ETFA: variants seen among roughly 807,000 people sequenced by gnomAD.
ETFA encodes electron transfer flavoprotein subunit alpha, mitochondrial.
In ETFA, 22 loss-of-function variants were observed where a neutral mutation model predicts 46.2. That is an observed-to-expected ratio of 0.48 (90% confidence interval 0.34 to 0.68). The LOEUF is 0.68. ETFA is among the 30% of genes least tolerant of loss of function. ETFA has a pLI of 0.01. For synonymous variants in ETFA, 131 were observed against 139.9 expected, an observed-to-expected ratio of 0.94 and a Z score of 0.45; for missense variants, 345 against 401.1, an observed-to-expected ratio of 0.86 and a Z score of 1.19.
At chr15:76,235,211 T>C (rs371227009) in intron 9 of ETFA, among the ~76,000 whole-genome samples, 18 of 152,146 alleles carry the variant, frequency 1.2e-4, no homozygotes, top group African/African-American at 2.2e-4. Context: ...CCAAGACACA[T>C]TGATGTGTCA....
chr15:76,298,401 C>G (rs2039847845), intron 1 of ETFA, among the ~76,000 whole-genome samples: 1 of 152,150 alleles, frequency 6.6e-6, no homozygotes. Context: ...ATCTCAGGAG[C>G]CACCACATGG....
chr15:76,220,460 ACTTTTTCTCCCC>A (rs1301812706), intron 11 of ETFA, among the ~76,000 whole-genome samples: 2 of 152,224 alleles, frequency 1.3e-5, no homozygotes, highest in African/African-American at 2.4e-5. Flanking sequence ...TTATTTTAAA[ACTTTTTCTCCCC>A]CTTTTTCATA....
intron 9 of ETFA, among the ~76,000 whole-genome samples, chr15:76,267,716 T>C (rs1237070078): frequency 6.6e-6 from 1 of 152,244 alleles, no homozygotes; most frequent in Non-Finnish European, 1.5e-5. Flanking sequence ...CATTTAGCTT[T>C]ATTAACATTA....
At chr15:76,261,740 G>A (rs758003785) in intron 9 of ETFA, 97 of 234,104 alleles carry the variant, frequency 4.1e-4, no homozygotes, top group Non-Finnish European at 7.2e-4. Context: ...TGAGGAGGGA[G>A]GAGGGCTGAA....
intron 9 of ETFA, among the ~76,000 whole-genome samples, chr15:76,240,385 A>G (rs530818815): frequency 1.3e-5 from 2 of 152,206 alleles, no homozygotes; most frequent in African/African-American, 4.8e-5. Flanking sequence ...TATTCTTTTA[A>G]TCAGCCTACC....
chr15:76,272,017 C>G (rs2039539358), intron 9 of ETFA, among the ~76,000 whole-genome samples: 1 of 150,988 alleles, frequency 6.6e-6, no homozygotes, highest in African/African-American at 2.4e-5. Context: ...AATATATTTC[C>G]TTATGAAAAA....
intron 5 of ETFA, among the ~76,000 whole-genome samples, chr15:76,287,260 T>C (rs2039712724): frequency 6.6e-6 from 1 of 152,168 alleles, no homozygotes; most frequent in African/African-American, 2.4e-5. Context: ...ACCTTCTGGC[T>C]CAAGCAATCC....
chr15:76,273,592 T>G (rs1348633194), intron 9 of ETFA, among the ~76,000 whole-genome samples: 1 of 145,012 alleles, frequency 6.9e-6, no homozygotes, highest in Non-Finnish European at 1.5e-5. Flanking sequence ...CAAAAAAAAC[T>G]TCAAAAATAA....
At chr15:76,244,651 T>C (rs535138251) in intron 9 of ETFA, among the ~76,000 whole-genome samples, 14 of 143,746 alleles carry the variant, frequency 9.7e-5, no homozygotes, top group South Asian at 2.6e-4. Context: ...AGAAAATACA[T>C]TGGTTTTTAT....
chr15:76,223,617 T>C (rs2038978682), intron 11 of ETFA, among the ~76,000 whole-genome samples: 1 of 152,222 alleles, frequency 6.6e-6, no homozygotes, highest in South Asian at 2.1e-4. Flanking sequence ...GTCTGAAGTC[T>C]CTCTCTAGTC....
At chr15:76,280,809 C>T (rs1769240931) in intron 8 of ETFA, among the ~76,000 whole-genome samples, 1 of 151,892 alleles carries the variant, frequency 6.6e-6, no homozygotes, top group Non-Finnish European at 1.5e-5. Context: ...TGTGTTCCTG[C>T]GTTAGACAGG....
At chr15:76,268,189 C>CAAAAAAAAAA (rs57096514) in intron 9 of ETFA, among the ~76,000 whole-genome samples, 2 of 107,070 alleles carry the variant, frequency 1.9e-5, no homozygotes, top group African/African-American at 6.4e-5. Flanking sequence ...CCAGCTACAG[C>CAAAAAAAAAA]AAAAAAAAAA....
chr15:76,258,447 G>A (rs972730020), intron 9 of ETFA, among the ~76,000 whole-genome samples: 1 of 152,156 alleles, frequency 6.6e-6, no homozygotes, highest in Non-Finnish European at 1.5e-5. Flanking sequence ...TCAGAAAAGT[G>A]ATGAAGATTC....
intron 10 of ETFA, among the ~76,000 whole-genome samples, chr15:76,226,841 T>C (rs980487133): frequency 1.3e-5 from 2 of 152,154 alleles, no homozygotes; most frequent in Non-Finnish European, 2.9e-5. Flanking sequence ...ATCGCGCCAC[T>C]GCATTCCAGC....
At chr15:76,263,316 A>G (rs1241802450) in intron 9 of ETFA, among the ~76,000 whole-genome samples, 1 of 151,954 alleles carries the variant, frequency 6.6e-6, no homozygotes, top group African/African-American at 2.4e-5. Flanking sequence ...GGGTCTGATC[A>G]CCCCAATATT....
At chr15:76,239,852 G>T (rs992411010) in intron 9 of ETFA, among the ~76,000 whole-genome samples, 4 of 150,474 alleles carry the variant, frequency 2.7e-5, no homozygotes, top group African/African-American at 9.8e-5. Context: ...GTTGCTAAAA[G>T]TATCAGTTTG....
At chr15:76,295,936 CTTTTTTTTT>C (rs1157687784) in intron 1 of ETFA, among the ~76,000 whole-genome samples, 199 bp from the exon 2 acceptor site, 6 of 46,602 alleles carry the variant, frequency 1.3e-4, no homozygotes, top group South Asian at 9.5e-4. Context: ...CACTAATATT[CTTTTTTTTT>C]TTTTTTTTTT....
At chr15:76,225,037 A>G (rs2038990948) in intron 11 of ETFA, among the ~76,000 whole-genome samples, 2 of 152,160 alleles carry the variant, frequency 1.3e-5, no homozygotes, top group Non-Finnish European at 2.9e-5. Flanking sequence ...TACACTCGTC[A>G]GCTAAGGAAG....
intron 1 of ETFA, among the ~76,000 whole-genome samples, chr15:76,307,974 T>C (rs2141559679): frequency 6.6e-6 from 1 of 152,246 alleles, no homozygotes; most frequent in Admixed American, 6.5e-5. Context: ...GGACTTGAGA[T>C]AAGCTATTTT....
Sources: allele counts gnomAD v4.1 joint callset (sites outside exome capture counted in the v4.1 genomes callset), GRCh38; gene constraint gnomAD v4.1.1; transcripts MANE v1.5; gene names NCBI Gene and HGNC (gene_info 2026-07-23, HGNC 2026-07-21).